The following PARG variants were observed in gnomAD, a reference collection of about 807,000 sequenced individuals.
The protein encoded by PARG is poly(ADP-ribose) glycohydrolase, also known as mitochondrial poly(ADP-ribose) glycohydrolase.
A neutral mutation model predicts 113.0 loss-of-function variants in PARG; 35 were observed. The ratio of observed to expected loss-of-function variants is 0.31; its 90% CI spans 0.24 to 0.41. The LOEUF (loss-of-function observed/expected upper bound fraction) is 0.41, where lower values mean the gene tolerates loss of function less well. PARG is among the 10% of genes least tolerant of loss of function. The pLI is 1.00. For missense variants in PARG, 797 were observed against 1,169.4 expected, an observed-to-expected ratio of 0.68 and a Z score of 4.64; for synonymous variants, 330 against 409.9, an observed-to-expected ratio of 0.81 and a Z score of 2.36.
At chr10:49,897,594 T>C (rs1189421609) in intron 7 of PARG, among the ~76,000 whole-genome samples, 1 of 152,230 alleles carries the variant, frequency 6.6e-6, no homozygotes, top group Non-Finnish European at 1.5e-5. Flanking sequence ...ATTTGCTGAA[T>C]AGAGTTGATA....
intron 15 of PARG, among the ~76,000 whole-genome samples, chr10:49,835,664 T>A (rs1165410237): frequency 1.3e-4 from 20 of 151,982 alleles, no homozygotes; most frequent in Admixed American, 1.3e-3. Context: ...CAAACAAAAC[T>A]GGTATAAAGT....
chr10:49,883,199 T>A (rs2132641421), intron 8 of PARG, among the ~76,000 whole-genome samples: 1 of 152,344 alleles, frequency 6.6e-6, no homozygotes, highest in Middle Eastern at 3.4e-3. Flanking sequence ...ATGTATGCGT[T>A]GTTTTCTGGT....
chr10:49,922,759 A>AT, intron 4 of PARG, 90 bp from the exon 5 acceptor site: 16 of 780,926 alleles, frequency 2.0e-5, no homozygotes, highest in East Asian at 5.4e-5. Flanking sequence ...CAAATGCTAT[A>AT]AAATAGAGAC....
chr10:49,903,529 C>T (rs1848436646), intron 7 of PARG, among the ~76,000 whole-genome samples: 1 of 151,906 alleles, frequency 6.6e-6, no homozygotes, highest in Non-Finnish European at 1.5e-5. Context: ...GTAAGATGCC[C>T]TGGAAAAATT....
intron 7 of PARG, among the ~76,000 whole-genome samples, chr10:49,905,928 A>C (rs530352715): frequency 2.0e-5 from 3 of 151,912 alleles, no homozygotes; most frequent in Admixed American, 2.0e-4. Flanking sequence ...TCACACACAG[A>C]CTGGGTTTGA....
chr10:49,938,926 G>A (rs1434218443), intron 1 of PARG, among the ~76,000 whole-genome samples: 36 of 152,226 alleles, frequency 2.4e-4, no homozygotes, highest in African/African-American at 8.2e-4. Flanking sequence ...TATAGTCTTC[G>A]AACATTCTGT....
Position 49,922,651 on chromosome 10 carries a change from C to T in PARG, c.1474G>A (p.Gly492Arg), listed in dbSNP as rs1554849651. The T allele has an allele frequency of 6.3e-7, 1 of 1,577,256 alleles. No homozygotes were observed. The highest frequency in any genetic ancestry group is 1.3e-5 in the African/African-American group (1 of 74,218). Residue 492 changes from glycine (G) to arginine (R), a missense_variant, in exon 5 of 18, where the codon GGA becomes AGA. By Grantham distance (125) the Gly-to-Arg change is moderately radical (BLOSUM62 -2). Coordinates refer to ENST00000616448, the MANE Select transcript of PARG (RefSeq NM_003631.5). ...VTIRVDLLRA[G>R]EVPKPFPTHY... The stretch of plus-strand genomic sequence containing the variant: ...GTTGGAAAAGGTTTAGGAACTTCTC[C>T]TGCTCGCAAAAGATCTACCTGAAAT...
chr10:49,830,978 A>G (rs782422690), intron 16 of PARG, among the ~76,000 whole-genome samples: 5 of 152,236 alleles, frequency 3.3e-5, no homozygotes, highest in Non-Finnish European at 7.3e-5. Context: ...ACATATGTGC[A>G]TACAACAGAA....
intron 4 of PARG, among the ~76,000 whole-genome samples, chr10:49,930,135 G>T (rs1410258928): frequency 1.3e-5 from 2 of 152,176 alleles, no homozygotes; most frequent in African/African-American, 4.8e-5. Context: ...ACAAAAATGG[G>T]TTATCTTGGC....
chr10:49,901,567 T>C (rs1431209588), intron 7 of PARG, among the ~76,000 whole-genome samples: 2 of 152,240 alleles, frequency 1.3e-5, no homozygotes, highest in Non-Finnish European at 2.9e-5. Context: ...AACAATATTA[T>C]AGTTTGAACT....
chr10:49,824,811 G>T (rs1441114508), intron 16 of PARG, among the ~76,000 whole-genome samples: 1 of 152,046 alleles, frequency 6.6e-6, no homozygotes, highest in Non-Finnish European at 1.5e-5. Context: ...GCATCAAAAG[G>T]TTATGTAATT....
At chr10:49,896,519 A>G (rs1336037287) in intron 7 of PARG, among the ~76,000 whole-genome samples, 2 of 152,220 alleles carry the variant, frequency 1.3e-5, no homozygotes, top group Non-Finnish European at 2.9e-5. Context: ...TCCTAACCTC[A>G]GGTGATCCAC....
At chr10:49,918,893 T>C (rs1837645993) in intron 6 of PARG, among the ~76,000 whole-genome samples, 2 of 152,144 alleles carry the variant, frequency 1.3e-5, no homozygotes, top group Non-Finnish European at 2.9e-5. Flanking sequence ...CACTAAGGAA[T>C]TGCTAGAGAA....
intron 16 of PARG, among the ~76,000 whole-genome samples, chr10:49,823,113 A>G (rs1405050090): frequency 6.6e-6 from 1 of 152,152 alleles, no homozygotes; most frequent in Non-Finnish European, 1.5e-5. Flanking sequence ...AATAACTATA[A>G]TGTGTTTATA....
At position 49,874,888 on chromosome 10, in the gene PARG, A is replaced by G. The variant is rs868913158; in HGVS notation, c.1988+4785T>C. 1.4e-3 allele frequency among the ~76,000 whole-genome samples: 157 copies of G among 115,392 alleles called. 6 individuals carry two copies. The highest frequency in any genetic ancestry group is 2.4e-3 in the Admixed American group (29 of 12,112). 75.7% of individuals were successfully genotyped at this position (115,392 alleles called of 152,430 possible). A position where few individuals can be genotyped will look rare whatever the true frequency, so the allele number is the denominator to read the frequency against. On this transcript the variant is annotated intron_variant, in intron 9 of 17. Coordinates refer to ENST00000616448, the MANE Select transcript of PARG (RefSeq NM_003631.5). ...AAAAACAAAAACAAAAAAGATATATATATGAATGTAAATTCTGGTAATTGG... is the reference window on the plus strand; with the variant it reads ...AAAAACAAAAACAAAAAAGATATATGTATGAATGTAAATTCTGGTAATTGG...
intron 1 of PARG, among the ~76,000 whole-genome samples, chr10:49,935,856 T>C (rs1479920750): frequency 6.6e-6 from 1 of 152,106 alleles, no homozygotes; most frequent in African/African-American, 2.4e-5. Context: ...TACCATACAA[T>C]AGGATCTTGA....
intron 7 of PARG, among the ~76,000 whole-genome samples, chr10:49,905,143 T>A: frequency 6.6e-6 from 1 of 152,306 alleles, no homozygotes; most frequent in East Asian, 1.9e-4. Context: ...AAGAGAAGCA[T>A]GAGGTATGTT....
intron 6 of PARG, among the ~76,000 whole-genome samples, chr10:49,919,490 C>T (rs1255555760): frequency 6.6e-6 from 1 of 152,126 alleles, no homozygotes; most frequent in East Asian, 1.9e-4. Context: ...TTGAGCTGTC[C>T]TACTATACAC....
chr10:49,824,693 T>C (rs1554829173), intron 16 of PARG, among the ~76,000 whole-genome samples: 1 of 152,204 alleles, frequency 6.6e-6, no homozygotes, highest in Non-Finnish European at 1.5e-5. Flanking sequence ...TGGGCTCTTA[T>C]AGCATGCTGA....
Sources: allele counts gnomAD v4.1 joint callset (sites outside exome capture counted in the v4.1 genomes callset), GRCh38; gene constraint gnomAD v4.1.1; transcripts MANE v1.5; gene names NCBI Gene and HGNC (gene_info 2026-07-23, HGNC 2026-07-21).